The following FRMPD1 variants were observed in gnomAD, a reference collection of about 807,000 sequenced individuals.
FRMPD1 encodes FERM and PDZ domain-containing protein 1.
FRMPD1 carries 76 observed loss-of-function variants against 117.8 expected under a neutral mutation model. The observed-to-expected ratio is 0.65, with a 90% CI of 0.54 to 0.78. The LOEUF is 0.78. Among genes scored for constraint, FRMPD1 ranks in the 30% least tolerant of loss-of-function variants. The pLI, the probability that FRMPD1 is intolerant of heterozygous loss-of-function variation, is 0.00. For synonymous variants in FRMPD1, 783 were observed against 770.4 expected (o/e 1.02, Z -0.27); for missense variants, 1,786 against 1,964.5 (o/e 0.91, Z 1.72).
At chr9:37,650,751 C>T (rs1429512262), upstream of FRMPD1, among the ~76,000 whole-genome samples, 2 of 151,896 alleles carry the variant, frequency 1.3e-5, no homozygotes, top group Non-Finnish European at 2.9e-5. Context: ...GAGGCAGGGC[C>T]CGGGTGGGAG....
At chr9:37,705,960 A>AAAAT (rs59737991) in intron 2 of FRMPD1, among the ~76,000 whole-genome samples, 64,905 of 138,560 alleles carry the variant, frequency 0.47, 15,715 homozygotes, top group East Asian at 0.68. Context: ...ACCCTCCCTC[A>AAAAT]AAATAAATAA....
At chr9:37,682,556 G>C (rs1821765513) in intron 1 of FRMPD1, among the ~76,000 whole-genome samples, 1 of 152,228 alleles carries the variant, frequency 6.6e-6, no homozygotes, top group Non-Finnish European at 1.5e-5. Context: ...GGCAAAGCCA[G>C]GAAGGAAACC....
chr9:37,650,683 C>T (rs1449231573), upstream of FRMPD1, among the ~76,000 whole-genome samples: 7 of 152,128 alleles, frequency 4.6e-5, no homozygotes, highest in Admixed American at 3.9e-4. Flanking sequence ...GCCTCAGTCT[C>T]CCCCCTGGGT....
At chr9:37,628,911 A>G in the FRMPD1 span, among the ~76,000 whole-genome samples, 1 of 152,224 alleles carries the variant, frequency 6.6e-6, no homozygotes, top group African/African-American at 2.4e-5. Context: ...AAATTCTACT[A>G]TATCAGGCCG....
At chr9:37,644,505 G>C in the FRMPD1 span, among the ~76,000 whole-genome samples, 1 of 152,166 alleles carries the variant, frequency 6.6e-6, no homozygotes, top group Non-Finnish European at 1.5e-5. Flanking sequence ...TCACAATTTG[G>C]GTCCCCTCAG....
At chr9:37,693,345 G>A (rs953397918) in intron 2 of FRMPD1, 1 of 152,250 alleles carries the variant, frequency 6.6e-6, no homozygotes, top group African/African-American at 2.4e-5. Flanking sequence ...CTGTTTCGAA[G>A]CGTTCATTTT....
Position 37,733,714 on chromosome 9 carries a change from T to C in FRMPD1, c.1123-16T>C, listed in dbSNP as rs1351661904. On this transcript the variant is annotated splice_polypyrimidine_tract_variant and intron_variant, in intron 11 of 15. Coordinates refer to ENST00000377765, the MANE Select transcript of FRMPD1 (RefSeq NM_014907.3). ...TGAATAACTCTGACTTCAAGTGTTT[T>C]TTTTTCTCTATTAAGCAACTTATTT... 1 of 1,594,222 alleles carries C rather than the reference T, an allele frequency of 6.3e-7. No individual in the cohort carries two copies. Among genetic ancestry groups the C allele is most frequent in the Non-Finnish European group, 8.6e-7 (1 of 1,162,224 alleles).
chr9:37,724,668 C>T (rs917525083), intron 7 of FRMPD1, among the ~76,000 whole-genome samples: 1 of 152,218 alleles, frequency 6.6e-6, no homozygotes, highest in African/African-American at 2.4e-5. Flanking sequence ...CCAAACACTA[C>T]GAAAACCCAG....
chr9:37,626,641 A>AAAAAAAAAAAAAAAAAAAAAAAAAAT, the FRMPD1 span, among the ~76,000 whole-genome samples: 1 of 145,774 alleles, frequency 6.9e-6, no homozygotes, highest in Non-Finnish European at 1.5e-5. Context: ...AAAAAAAAAA[A>AAAAAAAAAAAAAAAAAAAAAAAAAAT]AGCTGGAGGT....
intron 7 of FRMPD1, among the ~76,000 whole-genome samples, chr9:37,729,052 C>A (rs1823743618): frequency 6.6e-6 from 1 of 151,358 alleles, no homozygotes; most frequent in Non-Finnish European, 1.5e-5. Context: ...AGACTGGGAG[C>A]CTGGCCAACG....
At chr9:37,736,966 C>T (rs1824162794) in intron 13 of FRMPD1, 130 bp from the exon 14 acceptor site, 1 of 691,996 alleles carries the variant, frequency 1.4e-6, no homozygotes. Context: ...TATGGGGCAC[C>T]AGGAGACCTA....
chr9:37,682,240 CT>C (rs1232908112), intron 1 of FRMPD1, among the ~76,000 whole-genome samples: 4 of 152,194 alleles, frequency 2.6e-5, no homozygotes, highest in Non-Finnish European at 4.4e-5. Flanking sequence ...AATGTCTTGT[CT>C]TCCAAATGGA....
intron 8 of FRMPD1, among the ~76,000 whole-genome samples, chr9:37,730,171 A>G (rs1316037877): frequency 4.6e-5 from 7 of 152,144 alleles, no homozygotes; most frequent in African/African-American, 1.7e-4. Context: ...TCTAGCTCTG[A>G]TGATCTTCCC....
chr9:37,679,559 A>T (rs1403166951), intron 1 of FRMPD1, among the ~76,000 whole-genome samples: 1 of 152,200 alleles, frequency 6.6e-6, no homozygotes, highest in African/African-American at 2.4e-5. Flanking sequence ...AGCAACCGCT[A>T]ATCTCTTTTC....
intron 1 of FRMPD1, among the ~76,000 whole-genome samples, chr9:37,678,779 T>C (rs1188170637): frequency 4.6e-5 from 7 of 152,116 alleles, no homozygotes; most frequent in Admixed American, 4.6e-4. Context: ...AGACCTGGAG[T>C]CACTGCAGAG....
rs1036298203 is a variant in FRMPD1 at position 37,717,696 on chromosome 9, T to C, written c.409-1373T>C. On this transcript the variant is annotated intron_variant, in intron 5 of 15. Coordinates refer to ENST00000377765, the MANE Select transcript of FRMPD1 (RefSeq NM_014907.3). ...CACGCAGCCTGATTTTGCCAAGAATTAACGACAAACTAATCAATATGTGTT... is the reference window on the plus strand; with the variant it reads ...CACGCAGCCTGATTTTGCCAAGAATCAACGACAAACTAATCAATATGTGTT... 1.1e-3 allele frequency among the ~76,000 whole-genome samples: 168 copies of C among 152,248 alleles called. 1 individual carries two copies. The highest frequency in any genetic ancestry group is 3.1e-4 in the Non-Finnish European group (21 of 68,012).
chr9:37,639,841 T>G, the FRMPD1 span, among the ~76,000 whole-genome samples: 39 of 152,278 alleles, frequency 2.6e-4, no homozygotes, highest in African/African-American at 9.1e-4. Context: ...TTGTATTTTT[T>G]GTAGAGACTG....
chr9:37,720,483 C>T (rs1233158568), intron 6 of FRMPD1, among the ~76,000 whole-genome samples: 4 of 151,966 alleles, frequency 2.6e-5, no homozygotes, highest in African/African-American at 4.8e-5. Flanking sequence ...GCTAACATGG[C>T]GAAACCCCAT....
rs1202005050 is a variant in FRMPD1, at chr9:37,659,928, A to C, written c.-5+8834A>C. 8.7e-5 allele frequency among the ~76,000 whole-genome samples: 13 copies of C among 150,054 alleles called. 1 individual carries two copies. Among genetic ancestry groups the C allele is most frequent in the Admixed American group, 2.0e-4 (3 of 14,996 alleles). ...CTTTTCAAGCACTAAAAAAAAAAAA[A>C]AAAAAACAAAACTGAGGGGCAAGCA... is the stretch of plus-strand genomic sequence containing the variant. On this transcript the variant is annotated intron_variant, in intron 1 of 15. Transcript: ENST00000377765.
Sources: allele counts gnomAD v4.1 joint callset (sites outside exome capture counted in the v4.1 genomes callset), GRCh38; gene constraint gnomAD v4.1.1; transcripts MANE v1.5; gene names NCBI Gene and HGNC (gene_info 2026-07-23, HGNC 2026-07-21).